Variants in OPHN1 observed in about 807,000 individuals in gnomAD.
OPHN1 encodes the protein oligophrenin 1, also known as oligophrenin-1.
In OPHN1, 11 loss-of-function variants were observed where a neutral mutation model predicts 60.7. The observed-to-expected ratio is 0.18, with a 90% confidence interval of 0.11 to 0.30. The LOEUF (loss-of-function observed/expected upper bound fraction) is 0.30, where lower values mean the gene tolerates loss of function less well. OPHN1 is among the 10% of genes least tolerant of loss of function. The probability of loss-of-function intolerance (pLI) is 1.00; values close to 1 mark genes in which losing one functional copy is unlikely to be tolerated. For missense variants in OPHN1, 449 were observed against 611.0 expected (o/e 0.73, Z 2.80); for synonymous variants, 226 against 222.6 (o/e 1.02, Z -0.14).
At position 68,416,033 on chromosome X, in the gene OPHN1, AATATATATATATATAT is replaced by A. The variant is rs1163304135; in HGVS notation, c.154+16818_154+16833del. ...CCGTCTCAAAAAAAAAAAATTATAT[AATATATATATATATAT>A]ATATATATATATATATATAGAGAGA... is the stretch of plus-strand genomic sequence containing the variant. On this transcript the variant is annotated intron_variant, in intron 2 of 24. Coordinates refer to ENST00000355520, the MANE Select transcript of OPHN1 (RefSeq NM_002547.3). Among the ~76,000 whole-genome samples the A allele has an allele frequency of 2.5e-3, 73 of 29,738 alleles. 1 individual carries two copies. Among genetic ancestry groups the A allele is most frequent in the African/African-American group, 5.4e-3 (55 of 10,171 alleles). 25.8% of individuals were successfully genotyped at this position (29,738 alleles called of 115,157 possible).
intron 15 of OPHN1, among the ~76,000 whole-genome samples, chrX:68,139,052 C>T (rs1486181690): frequency 9.0e-6 from 1 of 111,578 alleles, no homozygotes; most frequent in Admixed American, 9.6e-5. Context: ...AAAAAACAGT[C>T]ACCAGACTAT....
Position 68,339,231 on chromosome X carries a change from A to T in OPHN1, c.155-40135T>A, listed in dbSNP as rs936518714. 6.4e-5 allele frequency among the ~76,000 whole-genome samples: 7 copies of T among 109,812 alleles called. No individual in the cohort carries two copies. The East Asian group carries it at 2.0e-3, about 31-fold the overall frequency. On this transcript the variant is annotated intron_variant, in intron 2 of 24. Coordinates refer to ENST00000355520, the MANE Select transcript of OPHN1 (RefSeq NM_002547.3). ...GTCCAAAATCTTTCTTTATAAAAACATTCAACAAACTAGGAACAGAAGGAA... is the reference window on the plus strand; with the variant it reads ...GTCCAAAATCTTTCTTTATAAAAACTTTCAACAAACTAGGAACAGAAGGAA...
At chrX:68,206,796 C>A in intron 9 of OPHN1, 123 bp from the exon 10 acceptor site, 1 of 549,113 alleles carries the variant, frequency 1.8e-6, no homozygotes, top group South Asian at 2.6e-5. Flanking sequence ...CAGCCCTGCC[C>A]TTGCCCTGAC....
chrX:68,286,355 G>A (rs2078041216), intron 3 of OPHN1, among the ~76,000 whole-genome samples: 1 of 111,576 alleles, frequency 9.0e-6, no homozygotes, highest in South Asian at 3.8e-4. Flanking sequence ...TTGCTGAAGG[G>A]CTCTCTGTGT....
At chrX:68,260,872 G>C (rs2077889750) in intron 5 of OPHN1, among the ~76,000 whole-genome samples, 1 of 111,426 alleles carries the variant, frequency 9.0e-6, no homozygotes, top group African/African-American at 3.3e-5. Context: ...GCAAGCACTG[G>C]CCTTTGGAAT....
rs967729112 is a variant in OPHN1 at position 68,119,103 on chromosome X, T to C, written c.1361+145A>G. The C allele has an allele frequency of 2.5e-5, 12 of 483,251 alleles. No homozygotes were observed. The South Asian group carries it at 3.5e-4, about 14-fold the overall frequency. 39.8% of individuals were successfully genotyped at this position (483,251 alleles called of 1,213,427 possible). Reference sequence around the variant, plus strand: ...AGATTTAAAAAACAGTCTTTGCACATTCTTGGCCAGAAATCCTCTTCACAT... The same window carrying C: ...AGATTTAAAAAACAGTCTTTGCACACTCTTGGCCAGAAATCCTCTTCACAT... On this transcript the variant is annotated intron_variant, in intron 16 of 24. Transcript: ENST00000355520.
At chrX:68,384,734 AG>A (rs74886960) in intron 2 of OPHN1, among the ~76,000 whole-genome samples, 3,418 of 109,184 alleles carry the variant, frequency 0.031, 51 homozygotes, top group Middle Eastern at 0.048. Context: ...AAAAAAAAAA[AG>A]AAGAAGAATA....
At chrX:68,399,779 C>G (rs1303655521) in intron 2 of OPHN1, among the ~76,000 whole-genome samples, 1 of 111,052 alleles carries the variant, frequency 9.0e-6, no homozygotes, top group Non-Finnish European at 1.9e-5. Context: ...GGCAACTACT[C>G]CATACCTTCC....
intron 15 of OPHN1, among the ~76,000 whole-genome samples, chrX:68,147,412 G>T (rs1172812402): frequency 8.9e-6 from 1 of 111,903 alleles, no homozygotes; most frequent in African/African-American, 3.2e-5. Context: ...CTGAATATTT[G>T]TTTGTAACAG....
chrX:68,209,992 C>CTTTTTTTTTTTTTTTTTTTTTTTT, intron 9 of OPHN1, 161 bp downstream of exon 9: 1 of 447,207 alleles, frequency 2.2e-6, no homozygotes, highest in East Asian at 4.5e-5. Context: ...TCAGTTTCTC[C>CTTTTTTTTTTTTTTTTTTTTTTTT]TTTTTTTTTT....
Position 68,233,037 on chromosome X carries a change from T to C in OPHN1, c.486+1450A>G, listed in dbSNP as rs1272538706. On this transcript the variant is annotated intron_variant, in intron 6 of 24. Coordinates refer to ENST00000355520, the MANE Select transcript of OPHN1 (RefSeq NM_002547.3). ...TCCGCCTCCCGGGTTCAAGCGATTC[T>C]TCTTCCTCAGTCTCCTAAGTAATTG... Among the ~76,000 whole-genome samples, 77 of 110,037 alleles carry C rather than the reference T, an allele frequency of 7.0e-4. 1 individual carries two copies. The Admixed American group carries it at 7.5e-3, about 11-fold the overall frequency.
At chrX:68,164,229 T>C (rs1466242279) in intron 15 of OPHN1, among the ~76,000 whole-genome samples, 1 of 112,233 alleles carries the variant, frequency 8.9e-6, no homozygotes, top group Non-Finnish European at 1.9e-5. Context: ...ATGTTCTTAA[T>C]GGCATCTACA....
Position 68,104,513 on chromosome X carries a change from C to T in OPHN1, c.1526+7341G>A, listed in dbSNP as rs145785054. 2.8e-3 allele frequency among the ~76,000 whole-genome samples: 317 copies of T among 111,560 alleles called. 3 individuals are homozygous for T. The highest frequency in any genetic ancestry group is 9.9e-3 in the African/African-American group (303 of 30,702). On this transcript the variant is annotated intron_variant, in intron 18 of 24. Transcript: ENST00000355520. ...CAGAGGCCTCAGAAATAACACCACA[C>T]ATCTACAACCATCTGATCTTTGACA...
intron 15 of OPHN1, chrX:68,132,865 C>G (rs1477941099): frequency 3.6e-6 from 1 of 280,655 alleles, no homozygotes; most frequent in African/African-American, 2.8e-5. Context: ...CGTCAGCGAC[C>G]TGGCGAACCA....
intron 5 of OPHN1, among the ~76,000 whole-genome samples, chrX:68,270,746 A>T (rs867607424): frequency 2.3e-4 from 23 of 100,004 alleles, no homozygotes; most frequent in Non-Finnish European, 3.3e-4. Context: ...AATAATAATT[A>T]AAAAAAAAGA....
chrX:68,122,435 A>G (rs769674714), intron 15 of OPHN1, among the ~76,000 whole-genome samples: 7 of 111,754 alleles, frequency 6.3e-5, no homozygotes, highest in Admixed American at 1.9e-4. Context: ...ATGCCCAGAA[A>G]CAGATGAACA....
chrX:68,310,330 A>G (rs940377843), intron 2 of OPHN1, among the ~76,000 whole-genome samples: 1 of 111,661 alleles, frequency 9.0e-6, no homozygotes, highest in Non-Finnish European at 1.9e-5. Flanking sequence ...ATCCAGAACC[A>G]CAAGCTTTTG....
intron 5 of OPHN1, among the ~76,000 whole-genome samples, chrX:68,239,509 C>T (rs1428297174): frequency 9.0e-6 from 1 of 111,363 alleles, no homozygotes; most frequent in Non-Finnish European, 1.9e-5. Context: ...AGCCAGGGAC[C>T]GGGCCTTTCT....
intron 2 of OPHN1, among the ~76,000 whole-genome samples, chrX:68,358,851 G>A (rs779188740): frequency 1.8e-5 from 2 of 111,821 alleles, no homozygotes; most frequent in Admixed American, 9.6e-5. Flanking sequence ...GAGAAATTGA[G>A]TAACTTGTCC....
Sources: gnomAD v4.1 joint callset for allele counts (sites outside exome capture counted in the v4.1 genomes callset) on GRCh38, gnomAD v4.1.1 for gene constraint, MANE v1.5 for transcripts, NCBI Gene and HGNC (gene_info 2026-07-23, HGNC 2026-07-21) for gene names.